NUF2: variants seen among roughly 807,000 people sequenced by gnomAD.
NUF2 encodes NUF2 component of NDC80 kinetochore complex, also known as kinetochore protein Nuf2.
A neutral mutation model predicts 61.8 loss-of-function variants in NUF2; 34 were observed. The observed-to-expected ratio is 0.55, with a 90% confidence interval of 0.42 to 0.73. The LOEUF (loss-of-function observed/expected upper bound fraction) is 0.73, where lower values mean the gene tolerates loss of function less well. Among genes scored for constraint, NUF2 ranks in the 30% least tolerant of loss-of-function variants. The pLI, the probability that NUF2 is intolerant of heterozygous loss-of-function variation, is 0.00. For synonymous variants in NUF2, 172 were observed against 181.6 expected (o/e 0.95, Z 0.42); for missense variants, 445 against 539.1 (o/e 0.83, Z 1.73).
At chr1:163,328,796 T>A in intron 4 of NUF2, 50 bp from the exon 5 acceptor site, 1 of 1,105,962 alleles carries the variant, frequency 9.0e-7, no homozygotes, top group Non-Finnish European at 1.4e-6. Context: ...TAGCTTAGCA[T>A]TTAATGTGCA....
chr1:163,336,785 TA>T lies in NUF2; in HGVS notation c.373del (p.Ile125SerfsTer31). The T allele has an allele frequency of 6.2e-7, 1 of 1,613,048 alleles. No homozygotes were observed. Among genetic ancestry groups the T allele is most frequent in the South Asian group, 1.1e-5 (1 of 91,040 alleles). On this transcript the variant is annotated frameshift_variant, in exon 6 of 14. Transcript: ENST00000271452. LOFTEE classifies it high-confidence loss of function. ...GGACAAGTCGGTTTTTAAGTGGCAT[TA>T]TCAACTTTATTCACTTCAGAGAAGC... ...KRTSRFLSGI[I>X]NFIHFREACR...
In NUF2 at chr1:163,355,447, A is replaced by G; in HGVS notation, c.1373A>G (p.Lys458Arg). Residue 458 changes from lysine (K) to arginine (R), a missense_variant, in exon 14 of 14, where the codon AAG (lysine) becomes AGG (arginine). Transcript: ENST00000271452. ...IDEKTAELKR[K>R]MFKMST ...GAGAAGACAGCTGAACTGAAGAGGA[A>G]GATGTTCAAAATGTCAACCTGATTA... 1 of 1,596,306 alleles carries G rather than the reference A, an allele frequency of 6.3e-7. No individual in the cohort carries two copies. Among genetic ancestry groups the G allele is most frequent in the Non-Finnish European group, 8.5e-7 (1 of 1,171,688 alleles).
chr1:163,331,314 C>T (rs1650592338), intron 5 of NUF2, among the ~76,000 whole-genome samples: 1 of 151,772 alleles, frequency 6.6e-6, no homozygotes, highest in South Asian at 2.1e-4. Context: ...AATTACATTA[C>T]TTGATTTTTG....
chr1:163,326,196 A>G lies in NUF2; in HGVS notation c.123+22A>G, dbSNP rs377410936. ...AAAGGTAAAAGGTGGTTACGTTTGCATGTGGATAATGGTATTTAGGGAAAA... is the reference window on the plus strand; with the variant it reads ...AAAGGTAAAAGGTGGTTACGTTTGCGTGTGGATAATGGTATTTAGGGAAAA... On this transcript the variant is annotated intron_variant, in intron 2 of 13. Transcript: ENST00000271452. 1.2e-5 allele frequency: 20 copies of G among 1,609,450 alleles called. No individual in the cohort carries two copies. The African/African-American group carries it at 2.5e-4, about 20-fold the overall frequency.
At chr1:163,331,079 G>A (rs865968074) in intron 5 of NUF2, among the ~76,000 whole-genome samples, 13 of 145,490 alleles carry the variant, frequency 8.9e-5, no homozygotes, top group Admixed American at 1.4e-4. Flanking sequence ...GTATAATGTC[G>A]AATTGAAATG....
chr1:163,336,319 G>GACCCAACAA (rs1650756455), intron 5 of NUF2, among the ~76,000 whole-genome samples: 1 of 152,122 alleles, frequency 6.6e-6, no homozygotes, highest in Non-Finnish European at 1.5e-5. Context: ...GACCCAGCAA[G>GACCCAACAA]ATGTACAAGT....
chr1:163,339,471 A>C lies in NUF2; in HGVS notation c.600A>C (p.Gln200His). ...LQQSLNQDFH[Q>H]KTIVLQEGNS... is the part of the protein sequence containing the mutation. Reference sequence around the variant, plus strand: ...AATCACTAAATCAGGATTTTCATCAAAAAACGGTATCTGTTGTGAGGCACC... The same window carrying C: ...AATCACTAAATCAGGATTTTCATCACAAAACGGTATCTGTTGTGAGGCACC... The change falls in exon 8 of 14, where the codon CAA becomes CAC. Residue 200 changes from glutamine to histidine, a missense_variant. Physicochemically the swap from Gln to His is conservative, Grantham distance 24 (BLOSUM62 0). Coordinates refer to ENST00000271452, the MANE Select transcript of NUF2 (RefSeq NM_145697.3). 6.2e-7 allele frequency: 1 copy of C among 1,604,144 alleles called. No individual in the cohort carries two copies. Among genetic ancestry groups the C allele is most frequent in the Admixed American group, 1.7e-5 (1 of 59,948 alleles).
At chr1:163,349,917 T>G (rs890826678) in intron 13 of NUF2, among the ~76,000 whole-genome samples, 3 of 151,890 alleles carry the variant, frequency 2.0e-5, no homozygotes, top group African/African-American at 7.2e-5. Context: ...TTTGTTTTTT[T>G]TTTTCTATAC....
Position 163,343,736 on chromosome 1 carries a change from G to T in NUF2, c.673G>T (p.Glu225Ter). 2 of 1,383,186 alleles carry T rather than the reference G, an allele frequency of 1.4e-6. No homozygotes were observed. Among genetic ancestry groups the T allele is most frequent in the South Asian group, 3.2e-5 (2 of 62,952 alleles). 85.7% of individuals were successfully genotyped at this position (1,383,186 alleles called of 1,614,324 possible). Residue 225 changes from glutamate to a stop codon, truncating the protein, a stop_gained, in exon 10 of 14, where the codon GAA becomes TAA. Coordinates refer to ENST00000271452, the MANE Select transcript of NUF2 (RefSeq NM_145697.3). LOFTEE classifies it high-confidence loss of function. ...NISEKTKRLN[E>*]LKLSVVSLKE... ...TATAAAAATGTTTTCTCAACAGAAT[G>T]AACTAAAATTGTCGGTGGTTTCTTT...
intron 13 of NUF2, among the ~76,000 whole-genome samples, chr1:163,350,612 G>A (rs1336454084): frequency 6.6e-6 from 1 of 152,130 alleles, no homozygotes. Flanking sequence ...CTAGAATGGT[G>A]CCTTATGTGT....
At chr1:163,333,219 A>G (rs1425247573) in intron 5 of NUF2, among the ~76,000 whole-genome samples, 1 of 152,064 alleles carries the variant, frequency 6.6e-6, no homozygotes, top group East Asian at 1.9e-4. Context: ...AATATACTTG[A>G]TTTTATATTA....
chr1:163,327,912 TTAGAG>T (rs1393315884), intron 3 of NUF2: 1 of 358,182 alleles, frequency 2.8e-6, no homozygotes, highest in East Asian at 4.8e-5. Flanking sequence ...AACTCCCAAA[TTAGAG>T]TAGAAGATAT....
intron 7 of NUF2, 142 bp downstream of exon 7, chr1:163,338,235 C>CT: frequency 3.3e-6 from 1 of 299,708 alleles, no homozygotes; most frequent in Non-Finnish European, 5.8e-6. Flanking sequence ...TTTGCCTTTT[C>CT]TTAAAAAAAA....
intron 1 of NUF2, among the ~76,000 whole-genome samples, chr1:163,325,444 T>A (rs1571371601): frequency 6.6e-6 from 1 of 152,290 alleles, no homozygotes; most frequent in South Asian, 2.1e-4. Context: ...GAGAAATGGT[T>A]TTTTGTTTTC....
chr1:163,346,569 T>C (rs1571396403), intron 11 of NUF2, among the ~76,000 whole-genome samples: 1 of 152,106 alleles, frequency 6.6e-6, no homozygotes, highest in East Asian at 1.9e-4. Flanking sequence ...ACTTCCAGGG[T>C]CAGGGCTGGG....
At chr1:163,351,418 T>C (rs1297770215) in intron 13 of NUF2, among the ~76,000 whole-genome samples, 5 of 152,188 alleles carry the variant, frequency 3.3e-5, no homozygotes, top group Admixed American at 3.3e-4. Flanking sequence ...CTTTTTTAGG[T>C]TTTATTTATT....
chr1:163,329,966 A>G (rs528804786), intron 5 of NUF2, among the ~76,000 whole-genome samples: 29 of 152,312 alleles, frequency 1.9e-4, no homozygotes, highest in African/African-American at 6.7e-4. Context: ...CTACACAGCT[A>G]TATATCATTC....
intron 11 of NUF2, among the ~76,000 whole-genome samples, chr1:163,347,018 G>A (rs989329435): frequency 2.0e-4 from 30 of 152,180 alleles, no homozygotes; most frequent in Admixed American, 1.3e-4. Flanking sequence ...TGTAACCATG[G>A]AAAGTGAAGC....
chr1:163,342,899 G>A (rs1197729811), intron 9 of NUF2, among the ~76,000 whole-genome samples: 1 of 152,096 alleles, frequency 6.6e-6, no homozygotes, highest in African/African-American at 2.4e-5. Context: ...ATGTTGATCT[G>A]TGAATTGGTT....
Sources: allele counts gnomAD v4.1 joint callset (sites outside exome capture counted in the v4.1 genomes callset), GRCh38; gene constraint gnomAD v4.1.1; transcripts MANE v1.5; gene names NCBI Gene and HGNC (gene_info 2026-07-23, HGNC 2026-07-21).